The following SCN8A variants were observed in gnomAD, a reference collection of about 807,000 sequenced individuals.
SCN8A encodes the protein sodium voltage-gated channel alpha subunit 8, also known as sodium channel protein type 8 subunit alpha.
A neutral mutation model predicts 184.1 loss-of-function variants in SCN8A; 30 were observed. That is an observed-to-expected ratio of 0.16 (90% CI 0.12 to 0.22). The LOEUF (loss-of-function observed/expected upper bound fraction) is 0.22, where lower values mean the gene tolerates loss of function less well. Among genes scored for constraint, SCN8A ranks in the 10% least tolerant of loss-of-function variants. The probability of loss-of-function intolerance (pLI) is 1.00; values close to 1 mark genes in which losing one functional copy is unlikely to be tolerated. For missense variants in SCN8A, 1,057 were observed against 2,498.9 expected, an observed-to-expected ratio of 0.42 and a Z score of 12.30; for synonymous variants, 852 against 907.0, an observed-to-expected ratio of 0.94 and a Z score of 1.09.
intron 16 of SCN8A, among the ~76,000 whole-genome samples, chr12:51,767,456 A>G (rs1158522887): frequency 6.6e-6 from 1 of 152,128 alleles, no homozygotes; most frequent in East Asian, 1.9e-4. Context: ...CTCCCAGCAA[A>G]TATCTGATGT....
rs1051372331 is a variant in SCN8A, at chr12:51,808,361, T to C, written c.*932T>C. On this transcript the variant is annotated 3_prime_UTR_variant, in exon 27 of 27. Transcript: ENST00000627620. ...AACAAGCAGATGGATCCGTTGCGTGTATATGTTTAACAGACATCTCTAACA... is the reference window on the plus strand; with the variant it reads ...AACAAGCAGATGGATCCGTTGCGTGCATATGTTTAACAGACATCTCTAACA... 1 of 152,680 alleles carries C rather than the reference T, an allele frequency of 6.5e-6. No individual in the cohort carries two copies. Among genetic ancestry groups the C allele is most frequent in the African/African-American group, 2.4e-5 (1 of 41,460 alleles). The allele number at this position is 152,680 out of a possible 1,614,324, so 9.5% of individuals were successfully genotyped here.
Position 51,800,590 on chromosome 12 carries a change from T to G in SCN8A, c.4796-5692T>G, listed in dbSNP as rs186085463. Reference sequence around the variant, plus strand: ...TCAGCCAATATGGGGATTCTGCCAGTTGCTAAGTATGTCTGTGTCAATTAT... The same window carrying G: ...TCAGCCAATATGGGGATTCTGCCAGGTGCTAAGTATGTCTGTGTCAATTAT... On this transcript the variant is annotated intron_variant, in intron 26 of 26. Transcript: ENST00000627620. 1.4e-4 allele frequency among the ~76,000 whole-genome samples: 21 copies of G among 152,322 alleles called. No homozygotes were observed. The East Asian group carries it at 4.0e-3, about 29-fold the overall frequency.
chr12:51,779,276 C>T (rs1317540817), intron 20 of SCN8A, among the ~76,000 whole-genome samples: 1 of 150,312 alleles, frequency 6.7e-6, no homozygotes, highest in Non-Finnish European at 1.5e-5. Context: ...GTTTGACTAA[C>T]TAAAGGTATT....
intron 14 of SCN8A, among the ~76,000 whole-genome samples, chr12:51,754,662 C>A (rs1592144374): frequency 6.6e-6 from 1 of 152,306 alleles, no homozygotes; most frequent in East Asian, 1.9e-4. Flanking sequence ...GCTATCATAT[C>A]TCTCTAATTT....
chr12:51,736,860 A>G (rs1942334189), intron 12 of SCN8A, among the ~76,000 whole-genome samples: 1 of 152,248 alleles, frequency 6.6e-6, no homozygotes, highest in Non-Finnish European at 1.5e-5. Context: ...TTACAGCTAC[A>G]AGCTCCGCTT....
intron 26 of SCN8A, among the ~76,000 whole-genome samples, chr12:51,804,108 T>G (rs1370146471): frequency 2.0e-5 from 3 of 152,212 alleles, no homozygotes; most frequent in Admixed American, 2.0e-4. Context: ...CGGTTGTCAT[T>G]TCCCAGACTT....
Position 51,687,154 on chromosome 12 carries a change from C to T in SCN8A, c.549C>T (p.Cys183=), listed in dbSNP as rs767336706. The T allele has an allele frequency of 1.1e-5, 17 of 1,613,374 alleles. No individual in the cohort carries two copies. The South Asian group carries it at 1.8e-4, about 17-fold the overall frequency. ...TGAAAATCATTGCAAGAGGTTTCTG[C>T]ATAGATGGCTTTACCTTTTTACGGG... is the stretch of plus-strand genomic sequence containing the variant. ...SLVKIIARGF[C]IDGFTFLRDP... Residue 183 remains cysteine, a synonymous_variant, in exon 5 of 27, where the codon TGC becomes TGT. Transcript: ENST00000627620.
rs539065073 is a variant in SCN8A at position 51,752,747 on chromosome 12, G to A, written c.2370+1154G>A. 2.6e-5 allele frequency among the ~76,000 whole-genome samples: 4 copies of A among 152,340 alleles called. No homozygotes were observed. In the South Asian group the frequency reaches 8.3e-4, roughly 32 times the overall value. On this transcript the variant is annotated intron_variant, in intron 14 of 26. Transcript: ENST00000627620. ...GACTGGCTCTGAAAGGTGCCTGTCAGTGGGCACATGCTGTGACTGGCTGAC... is the reference window on the plus strand; with the variant it reads ...GACTGGCTCTGAAAGGTGCCTGTCAATGGGCACATGCTGTGACTGGCTGAC...
chr12:51,644,576 G>T (rs1470322121), intron 1 of SCN8A, among the ~76,000 whole-genome samples: 1 of 152,140 alleles, frequency 6.6e-6, no homozygotes, highest in East Asian at 1.9e-4. Context: ...GCGTGATCTC[G>T]GCTCGCTACA....
chr12:51,737,002 A>G (rs1314249495), intron 12 of SCN8A, among the ~76,000 whole-genome samples: 2 of 152,266 alleles, frequency 1.3e-5, no homozygotes, highest in East Asian at 3.8e-4. Flanking sequence ...TATTTTAGGG[A>G]GAATCCAATT....
In SCN8A at chr12:51,672,775, T is replaced by G. The variant is rs564201552; in HGVS notation, c.276+9682T>G. ...CACCAGCAAAATTCTAGATATCATT[T>G]TTGACTCCCCAATTTTCTTCAGTCC... On this transcript the variant is annotated intron_variant, in intron 2 of 26. Transcript: ENST00000627620. 8.5e-4 allele frequency among the ~76,000 whole-genome samples: 129 copies of G among 152,362 alleles called. 1 individual carries two copies. Among genetic ancestry groups the G allele is most frequent in the African/African-American group, 2.8e-3 (115 of 41,588 alleles).
At chr12:51,735,608 C>A (rs1942311432) in intron 12 of SCN8A, among the ~76,000 whole-genome samples, 1 of 152,168 alleles carries the variant, frequency 6.6e-6, no homozygotes, top group Non-Finnish European at 1.5e-5. Flanking sequence ...GACTGGTTGT[C>A]CCGCTTTCCT....
intron 2 of SCN8A, among the ~76,000 whole-genome samples, chr12:51,673,955 TA>T (rs574975884): frequency 4.0e-5 from 6 of 151,580 alleles, no homozygotes; most frequent in East Asian, 3.9e-4. Flanking sequence ...AAAGTATGGT[TA>T]AAAAAAAATT....
rs1941892343 is a variant in SCN8A at position 51,712,332 on chromosome 12, C to T, written c.1635+5617C>T. 1.7e-5 allele frequency: 10 copies of T among 585,150 alleles called. No individual in the cohort carries two copies. In the East Asian group the frequency reaches 2.6e-4, roughly 15 times the overall value. The allele number at this position is 585,150 out of a possible 1,614,324, so 36.2% of individuals were successfully genotyped here. A position where few individuals can be genotyped will look rare whatever the true frequency, so the allele number is the denominator to read the frequency against. On this transcript the variant is annotated intron_variant, in intron 11 of 26. Coordinates refer to ENST00000627620, the MANE Select transcript of SCN8A (RefSeq NM_001330260.2). Reference sequence around the variant, plus strand: ...GTAACTTTTCTGACTATGGATCATCCTTCCTTCTGTGGCAGATTTTTACAG... The same window carrying T: ...GTAACTTTTCTGACTATGGATCATCTTTCCTTCTGTGGCAGATTTTTACAG...
rs557708700 is a variant in SCN8A at position 51,724,229 on chromosome 12, T to C, written c.1998+2321T>C. Among the ~76,000 whole-genome samples the C allele has an allele frequency of 3.3e-5, 5 of 152,298 alleles. No homozygotes were observed. In the East Asian group the frequency reaches 9.7e-4, roughly 29 times the overall value. ...AGGAGGCTGAGGTGGGCAGATCACC[T>C]GAGGTCTGGAGTTTGAGACCAGGCT... On this transcript the variant is annotated intron_variant, in intron 12 of 26. Coordinates refer to ENST00000627620, the MANE Select transcript of SCN8A (RefSeq NM_001330260.2).
chr12:51,625,434 G>C (rs890848296), intron 1 of SCN8A, among the ~76,000 whole-genome samples: 1 of 152,158 alleles, frequency 6.6e-6, no homozygotes, highest in Non-Finnish European at 1.5e-5. Flanking sequence ...AGACGTTGTT[G>C]CTTCCAGTTT....
At chr12:51,695,310 A>G (rs2138727464) in intron 6 of SCN8A, among the ~76,000 whole-genome samples, 1 of 152,366 alleles carries the variant, frequency 6.6e-6, no homozygotes, top group Middle Eastern at 3.4e-3. Context: ...TCTAAGCCCC[A>G]GACTTCAAAG....
chr12:51,794,335 A>G (rs1273330119), intron 25 of SCN8A, 36 bp from the exon 26 acceptor site: 9 of 1,582,018 alleles, frequency 5.7e-6, no homozygotes, highest in Non-Finnish European at 7.7e-6. Flanking sequence ...AAAGGTTTTC[A>G]TGAATCTTTT....
In SCN8A at chr12:51,662,825, C is replaced by A; in HGVS notation, c.8C>A (p.Ala3Glu). The change falls in exon 2 of 27, where the codon GCG becomes GAG. Residue 3 changes from alanine (A) to glutamate (E), a missense_variant. Physicochemically the swap from Ala to Glu is moderately radical, Grantham distance 107. Around this residue, in one of 19 missense-constraint regions of SCN8A, gnomAD observed 45 missense variants for 71.3 expected, o/e 0.63. Transcript: ENST00000627620. MA[A>E]RLLAPPGPDS... ...CTGCTGCAGGATGAGAAGATGGCAG[C>A]GCGGCTGCTTGCACCACCAGGCCCT... 1 of 1,613,660 alleles carries A rather than the reference C, an allele frequency of 6.2e-7. No individual in the cohort carries two copies.
Sources: allele counts gnomAD v4.1 joint callset (sites outside exome capture counted in the v4.1 genomes callset), GRCh38; gene constraint gnomAD v4.1.1; regional missense constraint gnomAD v4.1.1; transcripts MANE v1.5; gene names NCBI Gene and HGNC (gene_info 2026-07-23, HGNC 2026-07-21).